FOXP1: variants seen among roughly 807,000 people sequenced by gnomAD.
FOXP1 encodes the protein forkhead box protein P1.
In FOXP1, 15 loss-of-function variants were observed where a neutral mutation model predicts 98.2. That is an observed-to-expected ratio of 0.15 (90% CI 0.10 to 0.24). The LOEUF is 0.24. FOXP1 is among the 10% of genes least tolerant of loss of function. The pLI is 1.00. For synonymous variants in FOXP1, 371 were observed against 314.5 expected (o/e 1.18, Z -1.90); for missense variants, 633 against 848.5 (o/e 0.75, Z 3.15).
chr3:71,137,343 C>T (rs1408249095), intron 6 of FOXP1, among the ~76,000 whole-genome samples: 1 of 152,090 alleles, frequency 6.6e-6, no homozygotes. Context: ...GCAAAACATC[C>T]TCGCCAGCCC....
At chr3:71,432,060 G>T (rs1229883735) in intron 3 of FOXP1, among the ~76,000 whole-genome samples, 1 of 152,156 alleles carries the variant, frequency 6.6e-6, no homozygotes, top group East Asian at 1.9e-4. Context: ...CCTATTTATG[G>T]CAAGAATTTC....
chr3:71,581,951 A>G (rs2048207007), intron 1 of FOXP1: 1 of 955,764 alleles, frequency 1.0e-6, no homozygotes, highest in Non-Finnish European at 1.2e-6. Flanking sequence ...AAGTTGCAAC[A>G]ACAAAAAGGA....
rs150880258 is a variant in FOXP1 at position 70,992,838 on chromosome 3, A to G, written c.1063-4761T>C. On this transcript the variant is annotated intron_variant, in intron 13 of 20. Transcript: ENST00000649528. ...AGAAGGACATGGAAGTGAGAAACCC[A>G]GAGACTCTCTCTCTTCTTTTTCTTG... Among the ~76,000 whole-genome samples, 174 of 152,298 alleles carry G rather than the reference A, an allele frequency of 1.1e-3. 2 individuals are homozygous for G. In the East Asian group the frequency reaches 0.027, roughly 23 times the overall value.
intron 2 of FOXP1, among the ~76,000 whole-genome samples, chr3:71,523,414 C>T (rs2043136668): frequency 6.6e-6 from 1 of 152,168 alleles, no homozygotes; most frequent in Non-Finnish European, 1.5e-5. Context: ...TTGTAATAAA[C>T]AGTAACCCTT....
intron 20 of FOXP1, among the ~76,000 whole-genome samples, chr3:70,965,178 GGA>G (rs1426097734): frequency 2.6e-5 from 4 of 152,126 alleles, no homozygotes; most frequent in Non-Finnish European, 5.9e-5. Context: ...ACTTTTCCTG[GGA>G]GAGAGGGTGT....
chr3:71,015,838 T>C (rs1431167273), intron 11 of FOXP1, among the ~76,000 whole-genome samples, 185 bp from the exon 12 acceptor site: 2 of 152,224 alleles, frequency 1.3e-5, no homozygotes, highest in Non-Finnish European at 2.9e-5. Context: ...AAGAGTTAAA[T>C]TGTACCTAAG....
intron 5 of FOXP1, among the ~76,000 whole-genome samples, chr3:71,280,900 C>T (rs1209187433): frequency 6.6e-6 from 1 of 151,966 alleles, no homozygotes; most frequent in African/African-American, 2.4e-5. Flanking sequence ...AAAAATTAAA[C>T]TGCATGCATT....
At chr3:71,536,627 A>G (rs1177541210) in intron 2 of FOXP1, among the ~76,000 whole-genome samples, 6 of 150,170 alleles carry the variant, frequency 4.0e-5, no homozygotes, top group African/African-American at 1.5e-4. Flanking sequence ...AGCAGCACAG[A>G]TAACACAGCT....
At chr3:71,056,380 T>C (rs1308975414) in intron 7 of FOXP1, among the ~76,000 whole-genome samples, 1 of 152,176 alleles carries the variant, frequency 6.6e-6, no homozygotes, top group African/African-American at 2.4e-5. Context: ...GGCTTAAATC[T>C]CCTTTTCCCA....
intron 4 of FOXP1, among the ~76,000 whole-genome samples, chr3:71,346,872 G>A (rs1483849555): frequency 2.0e-5 from 3 of 152,008 alleles, no homozygotes; most frequent in Admixed American, 1.3e-4. Context: ...GGTGAAACCC[G>A]TCTCTACTAA....
At chr3:70,982,661 A>C (rs1466896517) in intron 14 of FOXP1, among the ~76,000 whole-genome samples, 1 of 148,908 alleles carries the variant, frequency 6.7e-6, no homozygotes, top group African/African-American at 2.5e-5. Context: ...AACTATTCAA[A>C]CTTGGTTGGC....
chr3:71,004,199 GT>G (rs2042473928), intron 12 of FOXP1, among the ~76,000 whole-genome samples: 1 of 151,690 alleles, frequency 6.6e-6, no homozygotes, highest in South Asian at 2.1e-4. Flanking sequence ...ATTTTGTTTT[GT>G]TTTTAAAATG....
chr3:71,518,274 A>C (rs2042725448), intron 2 of FOXP1, among the ~76,000 whole-genome samples: 1 of 152,204 alleles, frequency 6.6e-6, no homozygotes, highest in African/African-American at 2.4e-5. Flanking sequence ...CCCTGACTCC[A>C]AATTCCTACC....
At chr3:71,485,625 C>T (rs892965242) in intron 3 of FOXP1, among the ~76,000 whole-genome samples, 3 of 152,100 alleles carry the variant, frequency 2.0e-5, no homozygotes, top group Admixed American at 6.6e-5. Flanking sequence ...AAAAATTAGC[C>T]AGGTGTGATG....
chr3:71,571,177 A>C (rs2047313834), intron 2 of FOXP1: 2 of 152,242 alleles, frequency 1.3e-5, no homozygotes, highest in Admixed American at 1.3e-4. Context: ...GGAAGGTAGA[A>C]TCAGTGTTTT....
intron 7 of FOXP1, among the ~76,000 whole-genome samples, chr3:71,081,324 G>T (rs756092394): frequency 1.3e-5 from 2 of 152,024 alleles, no homozygotes; most frequent in African/African-American, 4.8e-5. Flanking sequence ...CATTATCCTG[G>T]TCATCCGAAT....
At chr3:71,062,107 A>C (rs994940546) in intron 7 of FOXP1, among the ~76,000 whole-genome samples, 1 of 152,164 alleles carries the variant, frequency 6.6e-6, no homozygotes, top group African/African-American at 2.4e-5. Flanking sequence ...CAAGGCAGTG[A>C]CGGTGAGGGT....
chr3:71,331,977 T>C (rs1029549088), intron 4 of FOXP1, among the ~76,000 whole-genome samples: 3 of 152,194 alleles, frequency 2.0e-5, no homozygotes, highest in Non-Finnish European at 4.4e-5. Context: ...CAGCTCTCTG[T>C]AAAACAGACC....
intron 7 of FOXP1, among the ~76,000 whole-genome samples, chr3:71,071,238 A>G (rs2107427085): frequency 6.6e-6 from 1 of 152,266 alleles, no homozygotes; most frequent in South Asian, 2.1e-4. Flanking sequence ...GGGTGTGTTT[A>G]AGAACTCAGG....
Sources: allele counts gnomAD v4.1 joint callset (sites outside exome capture counted in the v4.1 genomes callset), GRCh38; gene constraint gnomAD v4.1.1; transcripts MANE v1.5; gene names NCBI Gene and HGNC (gene_info 2026-07-23, HGNC 2026-07-21).